Variants in PSMA1 observed in about 807,000 individuals in gnomAD.
The protein encoded by PSMA1 is proteasome 20S subunit alpha 1.
A neutral mutation model predicts 38.4 loss-of-function variants in PSMA1; 3 were observed. The ratio of observed to expected loss-of-function variants is 0.08; its 90% CI spans 0.04 to 0.20. The LOEUF (loss-of-function observed/expected upper bound fraction) is 0.20, where lower values mean the gene tolerates loss of function less well. PSMA1 is among the 10% of genes least tolerant of loss of function. The probability of loss-of-function intolerance (pLI) is 1.00; values close to 1 mark genes in which losing one functional copy is unlikely to be tolerated. For missense variants in PSMA1, 227 were observed against 325.3 expected, an observed-to-expected ratio of 0.70 and a Z score of 2.32; for synonymous variants, 101 against 107.1, an observed-to-expected ratio of 0.94 and a Z score of 0.35.
chr11:14,629,907 G>A (rs916528327), intron 1 of PSMA1, among the ~76,000 whole-genome samples: 8 of 152,106 alleles, frequency 5.3e-5, no homozygotes, highest in Non-Finnish European at 1.2e-4. Flanking sequence ...TGGATTGCTA[G>A]GTATTTTATT....
intron 2 of PSMA1, among the ~76,000 whole-genome samples, chr11:14,600,577 G>T (rs1339774062): frequency 1.3e-5 from 2 of 152,224 alleles, no homozygotes; most frequent in African/African-American, 2.4e-5. Context: ...CACCTTGTCT[G>T]CTGGTTGCTA....
intron 2 of PSMA1, among the ~76,000 whole-genome samples, chr11:14,542,045 C>T (rs902352229): frequency 3.3e-5 from 5 of 152,080 alleles, no homozygotes; most frequent in African/African-American, 1.2e-4. Context: ...GCTATTACAG[C>T]TAATAGCTAA....
intron 1 of PSMA1, among the ~76,000 whole-genome samples, chr11:14,615,693 A>G (rs1447619985): frequency 6.6e-6 from 1 of 152,164 alleles, no homozygotes; most frequent in Non-Finnish European, 1.5e-5. Context: ...ACTCCTTTTC[A>G]GTATGCCATC....
chr11:14,520,520 G>A (rs1441617364), upstream of PSMA1: 1 of 1,413,048 alleles, frequency 7.1e-7, no homozygotes, highest in Non-Finnish European at 9.3e-7. Context: ...GGAAGATCTA[G>A]GAACTGAGAC....
intron 1 of PSMA1, among the ~76,000 whole-genome samples, chr11:14,621,049 G>T (rs1852837663): frequency 6.6e-6 from 1 of 152,028 alleles, no homozygotes; most frequent in South Asian, 2.1e-4. Context: ...TCATTTTCCT[G>T]TATTAGCTGT....
rs1468802078 is a variant in PSMA1, at chr11:14,638,565, ATATATATATATATATATATATTTTTTTT to A, written c.-166+4862_-166+4889del. ...TCTCTCTATATATATATATATATAT[ATATATATATATATATATATATTTTTTTT>A]TTTTTTTTTTTTTTTTTTTTTTTGG... On this transcript the variant is annotated intron_variant, in intron 1 of 10. Transcript: ENST00000418988. 4.2e-3 allele frequency among the ~76,000 whole-genome samples: 59 copies of A among 14,216 alleles called. 3 individuals carry two copies. The East Asian group carries it at 0.067, about 16-fold the overall frequency. 9.3% of individuals were successfully genotyped at this position (14,216 alleles called of 152,430 possible).
intron 2 of PSMA1, among the ~76,000 whole-genome samples, chr11:14,564,769 T>C (rs1485662514): frequency 1.3e-5 from 2 of 150,922 alleles, no homozygotes; most frequent in Non-Finnish European, 3.0e-5. Context: ...GTACTTTTCT[T>C]TTCTTTCTTT....
At chr11:14,592,272 CA>C (rs1384674639) in intron 2 of PSMA1, among the ~76,000 whole-genome samples, 1 of 152,098 alleles carries the variant, frequency 6.6e-6, no homozygotes, top group African/African-American at 2.4e-5. Context: ...CCGGACACAC[CA>C]GGACCTTCCG....
intron 2 of PSMA1, among the ~76,000 whole-genome samples, chr11:14,605,809 G>GT (rs1442770700): frequency 6.6e-6 from 1 of 152,074 alleles, no homozygotes; most frequent in Non-Finnish European, 1.5e-5. Flanking sequence ...AAATATTCAC[G>GT]TTTTCTCCCA....
At chr11:14,527,043 T>G (rs1374969153) in intron 2 of PSMA1, among the ~76,000 whole-genome samples, 1 of 151,616 alleles carries the variant, frequency 6.6e-6, no homozygotes, top group Non-Finnish European at 1.5e-5. Context: ...CACGCTGTTA[T>G]ATGGGCTGAA....
intron 2 of PSMA1, among the ~76,000 whole-genome samples, chr11:14,588,445 A>G (rs533217838): frequency 6.6e-6 from 1 of 152,334 alleles, no homozygotes; most frequent in Middle Eastern, 3.4e-3. Flanking sequence ...TAAAAAAACA[A>G]TGCAAATTTT....
At chr11:14,530,884 A>ATGTC (rs1415545003) in intron 2 of PSMA1, among the ~76,000 whole-genome samples, 2 of 134,820 alleles carry the variant, frequency 1.5e-5, no homozygotes, top group Admixed American at 1.7e-4. Flanking sequence ...CTTGGGCGAC[A>ATGTC]GGTCAAGACT....
At chr11:14,583,760 G>C (rs572962089) in intron 2 of PSMA1, among the ~76,000 whole-genome samples, 2 of 152,146 alleles carry the variant, frequency 1.3e-5, no homozygotes, top group Non-Finnish European at 2.9e-5. Context: ...AAAAGTAGAC[G>C]TTTAAAAATA....
At chr11:14,550,550 C>G (rs1398920056) in intron 2 of PSMA1, among the ~76,000 whole-genome samples, 2 of 151,888 alleles carry the variant, frequency 1.3e-5, no homozygotes, top group Admixed American at 1.3e-4. Flanking sequence ...TTTGGGAAGA[C>G]CTTATTAGTA....
chr11:14,587,471 A>C (rs1852361393), intron 2 of PSMA1, among the ~76,000 whole-genome samples: 1 of 152,140 alleles, frequency 6.6e-6, no homozygotes, highest in Admixed American at 6.5e-5. Context: ...ATAACTTCCC[A>C]ATTTTGCTAA....
chr11:14,631,912 A>C (rs1463022531), intron 1 of PSMA1, among the ~76,000 whole-genome samples: 5 of 144,700 alleles, frequency 3.5e-5, no homozygotes, highest in South Asian at 2.3e-4. Flanking sequence ...TCCCTTTACC[A>C]TTATGTAATG....
At chr11:14,538,661 C>T (rs1421829668) in intron 2 of PSMA1, among the ~76,000 whole-genome samples, 2 of 152,254 alleles carry the variant, frequency 1.3e-5, no homozygotes, top group African/African-American at 2.4e-5. Context: ...AACCCCTTCA[C>T]AGGCTTCCTC....
intron 2 of PSMA1, among the ~76,000 whole-genome samples, chr11:14,605,744 TC>T (rs1245900256): frequency 6.6e-6 from 1 of 152,220 alleles, no homozygotes; most frequent in Non-Finnish European, 1.5e-5. Context: ...TTGTTTAAGT[TC>T]CACATAGATT....
chr11:14,613,402 C>T (rs978138564), intron 1 of PSMA1, among the ~76,000 whole-genome samples: 2 of 150,932 alleles, frequency 1.3e-5, no homozygotes, highest in Admixed American at 6.6e-5. Flanking sequence ...CAGGTGTGCA[C>T]CAACATGCCC....
Sources: allele counts gnomAD v4.1 joint callset (sites outside exome capture counted in the v4.1 genomes callset), GRCh38; gene constraint gnomAD v4.1.1; transcripts MANE v1.5; gene names NCBI Gene and HGNC (gene_info 2026-07-23, HGNC 2026-07-21).